SNX30: variants seen among roughly 807,000 people sequenced by gnomAD.
The protein encoded by SNX30 is sorting nexin family member 30, also known as sorting nexin-30.
Under a neutral mutation model 46.4 loss-of-function variants are expected in SNX30, and 24 were observed. The ratio of observed to expected loss-of-function variants is 0.52; its 90% confidence interval spans 0.37 to 0.73. The LOEUF (loss-of-function observed/expected upper bound fraction) is 0.73. SNX30 is among the 30% of genes least tolerant of loss of function. The pLI is 0.00. For synonymous variants in SNX30, 189 were observed against 211.5 expected, an observed-to-expected ratio of 0.89 and a Z score of 0.92; for missense variants, 533 against 555.7, an observed-to-expected ratio of 0.96 and a Z score of 0.41.
At position 112,817,687 on chromosome 9, in the gene SNX30, C is replaced by G; in HGVS notation, c.349-18C>G. 6.9e-7 allele frequency: 1 copy of G among 1,450,208 alleles called. No homozygotes were observed. 89.8% of individuals were successfully genotyped at this position (1,450,208 alleles called of 1,614,324 possible). ...GCTATTCCCTTATGCTTATTTTTTTCCATTCTCTTCTTTGCAGAGTACTCG... is the reference window on the plus strand; with the variant it reads ...GCTATTCCCTTATGCTTATTTTTTTGCATTCTCTTCTTTGCAGAGTACTCG... On this transcript the variant is annotated intron_variant, in intron 2 of 8. Coordinates refer to ENST00000374232, the MANE Select transcript of SNX30 (RefSeq NM_001012994.2).
At chr9:112,761,547 A>G (rs1839436664) in intron 1 of SNX30, among the ~76,000 whole-genome samples, 1 of 152,222 alleles carries the variant, frequency 6.6e-6, no homozygotes, top group Non-Finnish European at 1.5e-5. Flanking sequence ...GATAGGAAGA[A>G]TTAACCTGGT....
intron 6 of SNX30, among the ~76,000 whole-genome samples, chr9:112,846,480 A>G (rs1416992003): frequency 6.6e-6 from 1 of 152,256 alleles, no homozygotes; most frequent in Non-Finnish European, 1.5e-5. Flanking sequence ...ACCTGAACTC[A>G]GTCATTTAAC....
chr9:112,862,486 G>GACTCTGGAGAGGCAAGACTGGGAT lies in SNX30; in HGVS notation c.1102-1753_1102-1730dup, dbSNP rs1841254488. Among the ~76,000 whole-genome samples, 30 of 152,312 alleles carry GACTCTGGAGAGGCAAGACTGGGAT rather than the reference G, an allele frequency of 2.0e-4. No homozygotes were observed. In the South Asian group the frequency reaches 5.2e-3, roughly 26 times the overall value. On this transcript the variant is annotated intron_variant, in intron 7 of 8. Transcript: ENST00000374232. The stretch of plus-strand genomic sequence containing the variant: ...TTCCATTGAGGCTGATTCCTGGAGT[G>GACTCTGGAGAGGCAAGACTGGGAT]ACTCTGGAGAGGCAAGACTGGGATA...
rs2131421771 is a variant in SNX30 at position 112,817,633 on chromosome 9, G to A, written c.349-72G>A. 6 of 889,414 alleles carry A rather than the reference G, an allele frequency of 6.7e-6. No homozygotes were observed. In the South Asian group the frequency reaches 7.0e-5, roughly 10 times the overall value. 55.1% of individuals were successfully genotyped at this position (889,414 alleles called of 1,614,324 possible). A position where few individuals can be genotyped will look rare whatever the true frequency, so the allele number is the denominator to read the frequency against. On this transcript the variant is annotated intron_variant, in intron 2 of 8. Coordinates refer to ENST00000374232, the MANE Select transcript of SNX30 (RefSeq NM_001012994.2). ...CTTGCCTAGTTTGGTTATTCTAAGA[G>A]CTTTTTTCCTTCCCTTCAGCCAAGA...
At position 112,817,718 on chromosome 9, in the gene SNX30, A is replaced by G. The variant is rs375479684; in HGVS notation, c.362A>G (p.Glu121Gly). 46 of 1,606,250 alleles carry G rather than the reference A, an allele frequency of 2.9e-5. No homozygotes were observed. The highest frequency in any genetic ancestry group is 8.9e-5 in the East Asian group (4 of 44,832). ...YRITTKSTRV[E>G]FDLPEYSVRR... is the part of the protein sequence containing the mutation. ...TCTTCTTTGCAGAGTACTCGGGTGGAGTTTGACCTGCCAGAATATTCTGTT... is the reference window on the plus strand; with the variant it reads ...TCTTCTTTGCAGAGTACTCGGGTGGGGTTTGACCTGCCAGAATATTCTGTT... The change falls in exon 3 of 9, where the codon GAG (glutamate) becomes GGG (glycine). Residue 121 changes from glutamate to glycine, a missense_variant. Around this residue, in one of 3 missense-constraint regions of SNX30, gnomAD observed 81 missense variants for 124.4 expected, o/e 0.65. Coordinates refer to ENST00000374232, the MANE Select transcript of SNX30 (RefSeq NM_001012994.2).
At chr9:112,818,292 C>CCCAGGTTCAAGTGGATCACCTGCCCCTA in intron 3 of SNX30, among the ~76,000 whole-genome samples, 1 of 151,912 alleles carries the variant, frequency 6.6e-6, no homozygotes, top group Non-Finnish European at 1.5e-5. Flanking sequence ...ACCTCCGACT[C>CCCAGGTTCAAGTGGATCACCTGCCCCTA]CCAGGTTCAA....
chr9:112,768,647 CTTTTTTTTTT>C (rs58983756), intron 1 of SNX30, among the ~76,000 whole-genome samples: 4 of 64,358 alleles, frequency 6.2e-5, no homozygotes, highest in African/African-American at 1.6e-4. Context: ...ATTCTTTCTT[CTTTTTTTTTT>C]TTTTTTTTTT....
At chr9:112,854,409 C>T (rs1430017509) in intron 7 of SNX30, among the ~76,000 whole-genome samples, 1 of 152,228 alleles carries the variant, frequency 6.6e-6, no homozygotes, top group Non-Finnish European at 1.5e-5. Context: ...ATGGCTCATC[C>T]TCTCGGCCAC....
chr9:112,880,034 G>C lies in SNX30; in HGVS notation n.3386G>C, dbSNP rs1340766170. 11 of 452,666 alleles carry C rather than the reference G, an allele frequency of 2.4e-5. No homozygotes were observed. In the East Asian group the frequency reaches 3.6e-4, roughly 15 times the overall value. 28.0% of individuals were successfully genotyped at this position (452,666 alleles called of 1,614,324 possible). ...CATTTGCTTCCCCATTGTTCCTTTA[G>C]ATAGAATCTCTGGGGGCCAGGCATG... On this transcript the variant is annotated non_coding_transcript_exon_variant, in exon 5 of 6. Coordinates refer to the SNX30 transcript ENST00000604751.
chr9:112,844,062 C>T (rs1483975232), intron 6 of SNX30, among the ~76,000 whole-genome samples: 2 of 152,022 alleles, frequency 1.3e-5, no homozygotes, highest in East Asian at 1.9e-4. Flanking sequence ...TTGGGAAGGC[C>T]GTTCAGAAGG....
chr9:112,823,027 C>G (rs1163799871), intron 3 of SNX30, among the ~76,000 whole-genome samples: 1 of 152,164 alleles, frequency 6.6e-6, no homozygotes, highest in Non-Finnish European at 1.5e-5. Context: ...ATCTCTTACT[C>G]TGCCTGATTT....
intron 1 of SNX30, among the ~76,000 whole-genome samples, chr9:112,779,923 C>T (rs1006498584): frequency 1.3e-5 from 2 of 152,150 alleles, no homozygotes; most frequent in East Asian, 1.9e-4. Context: ...TGAGGAGCAA[C>T]GACAGGCTGT....
intron 1 of SNX30, among the ~76,000 whole-genome samples, chr9:112,752,271 T>A (rs1839290299): frequency 6.6e-6 from 1 of 152,020 alleles, no homozygotes; most frequent in South Asian, 2.1e-4. Flanking sequence ...TGCAGAGGGT[T>A]TGTGAAAGCA....
intron 6 of SNX30, among the ~76,000 whole-genome samples, chr9:112,850,009 A>G (rs1468093396): frequency 6.6e-6 from 1 of 152,238 alleles, no homozygotes; most frequent in East Asian, 1.9e-4. Flanking sequence ...TGGTGGGTTC[A>G]TAGCAGCAGA....
At chr9:112,885,284 G>A (rs1024011097), downstream of SNX30, 2 of 151,956 alleles carry the variant, frequency 1.3e-5, no homozygotes, top group Non-Finnish European at 2.9e-5. Flanking sequence ...CTGTCCCCTT[G>A]AACAAGCCTT....
intron 7 of SNX30, among the ~76,000 whole-genome samples, chr9:112,853,907 ATATT>A (rs1841075197): frequency 6.6e-6 from 1 of 152,238 alleles, no homozygotes; most frequent in Non-Finnish European, 1.5e-5. Flanking sequence ...TGTCAGTTAA[ATATT>A]TAAGGAAAAA....
intron 6 of SNX30, among the ~76,000 whole-genome samples, chr9:112,849,491 C>G (rs1180632204): frequency 6.6e-6 from 1 of 152,160 alleles, no homozygotes; most frequent in Non-Finnish European, 1.5e-5. Flanking sequence ...CATTGAACAG[C>G]ACTGTAAATA....
intron 6 of SNX30, among the ~76,000 whole-genome samples, chr9:112,850,565 A>G (rs947231860): frequency 6.6e-6 from 1 of 152,234 alleles, no homozygotes; most frequent in Non-Finnish European, 1.5e-5. Context: ...CAGCGTGACA[A>G]TGGATGGGTG....
At chr9:112,782,950 G>A (rs1005844415) in intron 1 of SNX30, among the ~76,000 whole-genome samples, 3 of 152,230 alleles carry the variant, frequency 2.0e-5, no homozygotes, top group Non-Finnish European at 2.9e-5. Flanking sequence ...GTGGAGCTGT[G>A]TGTTAATGGT....
Sources: gnomAD v4.1 joint callset for allele counts (sites outside exome capture counted in the v4.1 genomes callset) on GRCh38, gnomAD v4.1.1 for gene constraint, gnomAD v4.1.1 regional missense constraint, MANE v1.5 for transcripts, NCBI Gene and HGNC (gene_info 2026-07-23, HGNC 2026-07-21) for gene names.